Variants in CHRM3 observed in about 807,000 individuals in gnomAD.
CHRM3 encodes the protein cholinergic receptor muscarinic 3, also known as muscarinic acetylcholine receptor M3.
Under a neutral mutation model 41.8 loss-of-function variants are expected in CHRM3, and 11 were observed. That is an observed-to-expected ratio of 0.26 (90% CI 0.17 to 0.44). CHRM3 has a LOEUF of 0.44. CHRM3 is among the 20% of genes least tolerant of loss of function. The pLI, the probability that CHRM3 is intolerant of heterozygous loss-of-function variation, is 1.00. For missense variants in CHRM3, 571 were observed against 745.4 expected, an observed-to-expected ratio of 0.77 and a Z score of 2.72; for synonymous variants, 297 against 301.4, an observed-to-expected ratio of 0.99 and a Z score of 0.15.
At chr1:239,736,297 C>T (rs2148459281) in intron 5 of CHRM3, among the ~76,000 whole-genome samples, 1 of 152,148 alleles carries the variant, frequency 6.6e-6, no homozygotes, top group East Asian at 1.9e-4. Context: ...TTGTCCCTGC[C>T]ATCCCTTACT....
chr1:239,611,883 CA>C (rs1344793074), intron 3 of CHRM3, among the ~76,000 whole-genome samples: 1 of 151,962 alleles, frequency 6.6e-6, no homozygotes, highest in African/African-American at 2.4e-5. Context: ...CTGATACTGA[CA>C]AAAAAATGAA....
In CHRM3 at chr1:239,524,430, AT is replaced by A. The variant is rs1216563087; in HGVS notation, c.-421-21201del. 1.8e-4 allele frequency among the ~76,000 whole-genome samples: 26 copies of A among 147,482 alleles called. No individual in the cohort carries two copies. The South Asian group carries it at 3.7e-3, about 21-fold the overall frequency. ...TCTATATTCTACAGAGTGGTAGTTT[AT>A]TTTTTTTTTGGAAATACGGACAAAG... On this transcript the variant is annotated intron_variant, in intron 2 of 6. Transcript: ENST00000676153.
intron 1 of CHRM3, among the ~76,000 whole-genome samples, chr1:239,467,026 A>G (rs1665778796): frequency 1.3e-5 from 2 of 152,174 alleles, no homozygotes; most frequent in East Asian, 1.9e-4. Flanking sequence ...ATTTTTTTCA[A>G]ATAATAAGGA....
chr1:239,628,534 C>T (rs993378125), intron 3 of CHRM3, among the ~76,000 whole-genome samples: 8 of 67,246 alleles, frequency 1.2e-4, no homozygotes, highest in Non-Finnish European at 1.5e-4. Flanking sequence ...AGCTTTGTTC[C>T]GTTGCTGGTG....
intron 5 of CHRM3, among the ~76,000 whole-genome samples, chr1:239,776,170 T>C (rs905759354): frequency 1.3e-5 from 2 of 152,182 alleles, no homozygotes; most frequent in African/African-American, 4.8e-5. Context: ...AGATGCATAA[T>C]ACAGTGGCTA....
intron 3 of CHRM3, among the ~76,000 whole-genome samples, chr1:239,597,334 T>C (rs1187361997): frequency 6.6e-6 from 1 of 152,176 alleles, no homozygotes; most frequent in East Asian, 1.9e-4. Context: ...AATGGCCCTA[T>C]ACACAAGGAA....
At chr1:239,864,519 T>TACAC (rs199613762) in intron 6 of CHRM3, among the ~76,000 whole-genome samples, 72,682 of 147,662 alleles carry the variant, frequency 0.49, 18,251 homozygotes, top group Non-Finnish European at 0.56. Context: ...AAACAGAAAA[T>TACAC]ACACACACAC....
intron 5 of CHRM3, among the ~76,000 whole-genome samples, chr1:239,814,086 G>A (rs1051970452): frequency 6.6e-6 from 1 of 151,990 alleles, no homozygotes; most frequent in African/African-American, 2.4e-5. Flanking sequence ...AGTCTCAGAA[G>A]GCCAATTTAG....
chr1:239,806,985 T>C (rs1379556315), intron 5 of CHRM3, among the ~76,000 whole-genome samples: 1 of 152,240 alleles, frequency 6.6e-6, no homozygotes, highest in Non-Finnish European at 1.5e-5. Flanking sequence ...TTCTACTTGT[T>C]CCTGGCTCCA....
At chr1:239,759,168 T>G (rs1300886036) in intron 5 of CHRM3, among the ~76,000 whole-genome samples, 7 of 136,726 alleles carry the variant, frequency 5.1e-5, no homozygotes, top group Non-Finnish European at 7.6e-5. Flanking sequence ...TTTTTTTTTT[T>G]GTTTTTTTTT....
At chr1:239,651,890 A>G (rs528321937) in intron 4 of CHRM3, among the ~76,000 whole-genome samples, 113 of 152,236 alleles carry the variant, frequency 7.4e-4, no homozygotes, top group African/African-American at 2.7e-3. Flanking sequence ...GAGGGGAAAA[A>G]AAAGAGAGAA....
At chr1:239,705,268 T>C (rs1487152917) in intron 5 of CHRM3, 1 of 152,206 alleles carries the variant, frequency 6.6e-6, no homozygotes, top group East Asian at 1.9e-4. Context: ...AATAGCCCTA[T>C]CTGAGCACAG....
At chr1:239,733,261 T>G (rs1007875058) in intron 5 of CHRM3, among the ~76,000 whole-genome samples, 1 of 151,952 alleles carries the variant, frequency 6.6e-6, no homozygotes, top group African/African-American at 2.4e-5. Context: ...TGAGCCAAAG[T>G]GGAGACTGGG....
intron 2 of CHRM3, among the ~76,000 whole-genome samples, chr1:239,539,666 A>G (rs1248114223): frequency 6.6e-6 from 1 of 152,046 alleles, no homozygotes; most frequent in Non-Finnish European, 1.5e-5. Flanking sequence ...ATCTCACTCT[A>G]TTGTCTAGGC....
intron 1 of CHRM3, among the ~76,000 whole-genome samples, chr1:239,407,239 A>G (rs979656959): frequency 7.2e-5 from 11 of 152,010 alleles, no homozygotes; most frequent in African/African-American, 2.7e-4. Flanking sequence ...TTTTGTGATC[A>G]CTTCCTCTAA....
At chr1:239,783,822 G>C (rs1192845268) in intron 5 of CHRM3, among the ~76,000 whole-genome samples, 1 of 152,102 alleles carries the variant, frequency 6.6e-6, no homozygotes, top group African/African-American at 2.4e-5. Context: ...GTGTGAGGAC[G>C]GTACTTGATA....
At position 239,748,490 on chromosome 1, in the gene CHRM3, T is replaced by A. The variant is rs373705044; in HGVS notation, c.-147+70202T>A. On this transcript the variant is annotated intron_variant, in intron 5 of 6. Coordinates refer to ENST00000676153, the MANE Select transcript of CHRM3 (RefSeq NM_001375978.1). The surrounding 1 kb of genome is among the most constrained non-coding windows in gnomAD (Gnocchi z 4.3). ...TCCTTGACTCTTTCATTCCATAGAA[T>A]TTTTAAATATGCAGTGTGTTTTAGT... is the stretch of plus-strand genomic sequence containing the variant. Among the ~76,000 whole-genome samples the A allele has an allele frequency of 3.9e-5, 6 of 152,346 alleles. No individual in the cohort carries two copies. The highest frequency in any genetic ancestry group is 1.4e-4 in the African/African-American group (6 of 41,570).
In CHRM3 at chr1:239,857,748, T is replaced by A. The variant is rs59887700; in HGVS notation, c.-20+30370T>A. Among the ~76,000 whole-genome samples the A allele has an allele frequency of 2.1e-3, 314 of 152,242 alleles. 1 individual carries two copies. The highest frequency in any genetic ancestry group is 7.2e-3 in the African/African-American group (299 of 41,548). Reference sequence around the variant, plus strand: ...AGAGACCTGGAAGGGAGGTGGATAATCATAATAAATGAAAGCCAGCCTTTC... The same window carrying A: ...AGAGACCTGGAAGGGAGGTGGATAAACATAATAAATGAAAGCCAGCCTTTC... On this transcript the variant is annotated intron_variant, in intron 6 of 6. Transcript: ENST00000676153.
At chr1:239,637,931 G>A (rs1670668103) in intron 4 of CHRM3, among the ~76,000 whole-genome samples, 1 of 98,848 alleles carries the variant, frequency 1.0e-5, no homozygotes, top group Admixed American at 1.7e-4. Flanking sequence ...CCCCACAACA[G>A]TCCCCAGAGT....
Sources: gnomAD v4.1 joint callset for allele counts (sites outside exome capture counted in the v4.1 genomes callset) on GRCh38, gnomAD v4.1.1 for gene constraint, Gnocchi (gnomAD v3.1) non-coding constraint, MANE v1.5 for transcripts, NCBI Gene and HGNC (gene_info 2026-07-23, HGNC 2026-07-21) for gene names.